KCNB2: variants seen among roughly 807,000 people sequenced by gnomAD.
KCNB2 encodes the protein delayed rectifier potassium channel protein.
Under a neutral mutation model 61.5 loss-of-function variants are expected in KCNB2, and 15 were observed. The ratio of observed to expected loss-of-function variants is 0.24; its 90% CI spans 0.16 to 0.38. The LOEUF (loss-of-function observed/expected upper bound fraction) is 0.38. Ranked by LOEUF, KCNB2 falls within the 10% of genes least tolerant of loss-of-function variation. KCNB2 has a pLI of 1.00. For missense variants in KCNB2, 828 were observed against 1,125.2 expected (o/e 0.74, Z 3.78); for synonymous variants, 457 against 446.0 (o/e 1.02, Z -0.31).
intron 1 of KCNB2, among the ~76,000 whole-genome samples, chr8:72,564,356 A>G (rs1806589610): frequency 6.6e-6 from 1 of 152,234 alleles, no homozygotes; most frequent in African/African-American, 2.4e-5. Flanking sequence ...ATCTGATATT[A>G]TAATCAGTTA....
intron 2 of KCNB2, among the ~76,000 whole-genome samples, chr8:72,888,212 C>G: frequency 6.6e-6 from 1 of 152,126 alleles, no homozygotes. Context: ...AGGTGATTCT[C>G]CCACCACAGC....
chr8:72,869,271 C>G (rs1414751832), intron 2 of KCNB2, among the ~76,000 whole-genome samples: 2 of 152,078 alleles, frequency 1.3e-5, no homozygotes, highest in African/African-American at 4.8e-5. Flanking sequence ...GAAGCAAACA[C>G]AAGGAAAACT....
chr8:72,695,252 G>A (rs1807000827), intron 2 of KCNB2, among the ~76,000 whole-genome samples: 1 of 152,122 alleles, frequency 6.6e-6, no homozygotes, highest in African/African-American at 2.4e-5. Context: ...TCCAGTTTGG[G>A]AAGGAAATGA....
intron 2 of KCNB2, among the ~76,000 whole-genome samples, chr8:72,859,348 A>G (rs1810258237): frequency 6.6e-6 from 1 of 152,206 alleles, no homozygotes; most frequent in African/African-American, 2.4e-5. Flanking sequence ...TATTTCAAAT[A>G]ACATCATTAT....
intron 2 of KCNB2, among the ~76,000 whole-genome samples, chr8:72,746,195 G>A (rs1044402506): frequency 6.6e-6 from 1 of 152,194 alleles, no homozygotes; most frequent in Admixed American, 6.5e-5. Context: ...CCTTTCCCAA[G>A]CAGTATTTCT....
At chr8:72,593,715 GA>G (rs1807140486) in intron 2 of KCNB2, among the ~76,000 whole-genome samples, 1 of 152,116 alleles carries the variant, frequency 6.6e-6, no homozygotes, top group African/African-American at 2.4e-5. Flanking sequence ...ACCCCTTCTT[GA>G]CCTGAGCCAT....
chr8:72,701,577 T>C (rs1403269878), intron 2 of KCNB2, among the ~76,000 whole-genome samples: 1 of 152,218 alleles, frequency 6.6e-6, no homozygotes, highest in African/African-American at 2.4e-5. Context: ...TTCCATTTTT[T>C]TCATACTTTC....
intron 2 of KCNB2, among the ~76,000 whole-genome samples, chr8:72,848,129 G>A (rs543069825): frequency 6.6e-6 from 1 of 152,292 alleles, no homozygotes; most frequent in South Asian, 2.1e-4. Flanking sequence ...ATTTACACCA[G>A]TGAGGCCCAA....
chr8:72,653,632 C>T (rs776844785), intron 2 of KCNB2, among the ~76,000 whole-genome samples: 1 of 152,058 alleles, frequency 6.6e-6, no homozygotes, highest in Non-Finnish European at 1.5e-5. Context: ...TGACCTGCCG[C>T]TTGTTTCTAT....
chr8:72,737,749 A>G (rs1807873904), intron 2 of KCNB2, among the ~76,000 whole-genome samples: 1 of 152,156 alleles, frequency 6.6e-6, no homozygotes, highest in Admixed American at 6.6e-5. Flanking sequence ...TAGGTTGAAG[A>G]ACAGACAATA....
chr8:72,620,782 G>A (rs1805702699), intron 2 of KCNB2, among the ~76,000 whole-genome samples: 1 of 151,780 alleles, frequency 6.6e-6, no homozygotes, highest in Non-Finnish European at 1.5e-5. Context: ...CTAATTTCGT[G>A]TTTTTAGTAG....
At chr8:72,650,324 A>G (rs772996847) in intron 2 of KCNB2, among the ~76,000 whole-genome samples, 21 of 152,084 alleles carry the variant, frequency 1.4e-4, no homozygotes, top group Non-Finnish European at 2.6e-4. Flanking sequence ...AGATGCCTCA[A>G]CCTCACCTCC....
chr8:72,590,077 G>T (rs564132093), intron 2 of KCNB2, among the ~76,000 whole-genome samples: 13 of 152,272 alleles, frequency 8.5e-5, no homozygotes, highest in African/African-American at 2.9e-4. Flanking sequence ...TTCAAAGGAG[G>T]TGTTACAAGT....
chr8:72,933,635 C>T (rs1031188461), intron 2 of KCNB2, among the ~76,000 whole-genome samples: 4 of 152,158 alleles, frequency 2.6e-5, no homozygotes, highest in Admixed American at 6.5e-5. Context: ...TGGGATCTGA[C>T]CATTGATTTT....
chr8:72,872,602 G>A (rs11782342), intron 2 of KCNB2, among the ~76,000 whole-genome samples: 23,287 of 152,186 alleles, frequency 0.15, 2,377 homozygotes, highest in Non-Finnish European at 0.23. Flanking sequence ...AAAATCACCA[G>A]TGAATTGTCA....
intron 1 of KCNB2, among the ~76,000 whole-genome samples, chr8:72,561,789 A>ATG (rs1491494090): frequency 3.9e-4 from 13 of 33,572 alleles, no homozygotes; most frequent in Non-Finnish European, 6.0e-4. Flanking sequence ...ATATATATAT[A>ATG]CATATATATA....
intron 2 of KCNB2, among the ~76,000 whole-genome samples, chr8:72,835,166 C>T (rs1186233357): frequency 6.6e-6 from 1 of 152,210 alleles, no homozygotes; most frequent in African/African-American, 2.4e-5. Flanking sequence ...CAGAGTATTT[C>T]AGATCCTGAG....
intron 2 of KCNB2, among the ~76,000 whole-genome samples, chr8:72,713,334 T>G (rs1420733602): frequency 1.3e-5 from 2 of 152,154 alleles, no homozygotes; most frequent in African/African-American, 2.4e-5. Flanking sequence ...GCACGCAGCT[T>G]GAGATCTGAG....
chr8:72,921,197 G>A (rs970610395), intron 2 of KCNB2, among the ~76,000 whole-genome samples: 3 of 151,990 alleles, frequency 2.0e-5, no homozygotes, highest in African/African-American at 4.8e-5. Flanking sequence ...ATATGGCTTA[G>A]TATACACATG....
Sources: allele counts gnomAD v4.1 joint callset (sites outside exome capture counted in the v4.1 genomes callset), GRCh38; gene constraint gnomAD v4.1.1; transcripts MANE v1.5; gene names NCBI Gene and HGNC (gene_info 2026-07-23, HGNC 2026-07-21).